SCAF8: variants seen among roughly 807,000 people sequenced by gnomAD.
SCAF8 encodes the protein SR-related CTD associated factor 8.
Under a neutral mutation model 140.5 loss-of-function variants are expected in SCAF8, and 23 were observed. The observed-to-expected ratio is 0.16, with a 90% CI of 0.12 to 0.23. The LOEUF is 0.23. Ranked by LOEUF, SCAF8 falls within the 10% of genes least tolerant of loss-of-function variation. The probability of loss-of-function intolerance (pLI) is 1.00; values close to 1 mark genes in which losing one functional copy is unlikely to be tolerated. For synonymous variants in SCAF8, 575 were observed against 528.9 expected (o/e 1.09, Z -1.20); for missense variants, 1,397 against 1,555.7 (o/e 0.90, Z 1.72).
chr6:154,794,993 A>G lies in SCAF8; in HGVS notation c.476-16A>G. The G allele has an allele frequency of 6.3e-7, 1 of 1,582,968 alleles. No homozygotes were observed. Among genetic ancestry groups the G allele is most frequent in the South Asian group, 1.2e-5 (1 of 85,322 alleles). On this transcript the variant is annotated splice_polypyrimidine_tract_variant and intron_variant, in intron 5 of 19. Transcript: ENST00000367178. The stretch of plus-strand genomic sequence containing the variant: ...CTTACATATTTATTTGGGGGGTGTG[A>G]TGTTCTTTTTAAAAGGAACTCCTGT...
At chr6:154,748,063 A>G (rs1233910033) in intron 1 of SCAF8, among the ~76,000 whole-genome samples, 2 of 152,278 alleles carry the variant, frequency 1.3e-5, no homozygotes, top group East Asian at 3.9e-4. Context: ...AAAGGGGACA[A>G]AATTTTAAAA....
intron 1 of SCAF8, among the ~76,000 whole-genome samples, chr6:154,771,700 A>G (rs1776772600): frequency 6.6e-6 from 1 of 152,204 alleles, no homozygotes; most frequent in South Asian, 2.1e-4. Flanking sequence ...ACTCATGGAC[A>G]TAAAGATGGC....
At chr6:154,790,426 T>C (rs1453618433) in intron 4 of SCAF8, among the ~76,000 whole-genome samples, 1 of 151,408 alleles carries the variant, frequency 6.6e-6, no homozygotes, top group Non-Finnish European at 1.5e-5. Flanking sequence ...GGATTTAAAG[T>C]TGAACCAGAT....
chr6:154,796,730 T>C (rs565632616), intron 6 of SCAF8, among the ~76,000 whole-genome samples: 29 of 152,156 alleles, frequency 1.9e-4, no homozygotes, highest in Non-Finnish European at 3.8e-4. Flanking sequence ...CCCAGTACTT[T>C]GGGAGGCCCA....
intron 2 of SCAF8, among the ~76,000 whole-genome samples, chr6:154,774,676 C>G (rs545576333): frequency 1.3e-5 from 2 of 152,092 alleles, no homozygotes; most frequent in East Asian, 3.9e-4. Context: ...AGTTGTGACT[C>G]ATTGTATCAG....
chr6:154,796,354 T>TCCCTCTCC (rs71652900), intron 6 of SCAF8, among the ~76,000 whole-genome samples: 2 of 105,932 alleles, frequency 1.9e-5, no homozygotes, highest in East Asian at 2.3e-4. Context: ...GCAATCCTGT[T>TCCCTCTCC]CTCTCTCTCT....
chr6:154,833,921 A>G lies in SCAF8; in HGVS notation c.*526A>G, dbSNP rs1778824711. 6.5e-6 allele frequency: 1 copy of G among 152,780 alleles called. No individual in the cohort carries two copies. The highest frequency in any genetic ancestry group is 1.5e-5 in the Non-Finnish European group (1 of 68,168). The allele number at this position is 152,780 out of a possible 1,614,324, so 9.5% of individuals were successfully genotyped here. A position where few individuals can be genotyped will look rare whatever the true frequency, so the allele number is the denominator to read the frequency against. ...TCTACACTACGGTCTCTGTTTCTCC[A>G]AAGTAAGTGTTTGTGATTTGTTCCT... On this transcript the variant is annotated 3_prime_UTR_variant, in exon 20 of 20. Coordinates refer to ENST00000367178, the MANE Select transcript of SCAF8 (RefSeq NM_014892.5).
chr6:154,788,002 C>T lies in SCAF8; in HGVS notation c.301C>T (p.Arg101Cys), dbSNP rs145917803. ...CATTAGCACTTTCCAGAATTTATATCGTTGCCCTGGGGATGACAAGGTATG... is the reference window on the plus strand; with the variant it reads ...CATTAGCACTTTCCAGAATTTATATTGTTGCCCTGGGGATGACAAGGTATG... ...NIISTFQNLY[R>C]CPGDDKSKIV... The change falls in exon 4 of 20, where the codon CGT becomes TGT. Residue 101 changes from arginine to cysteine, a missense_variant. This residue lies in a region of SCAF8 where 43 missense variants were observed against 142.1 expected (regional missense o/e 0.30). Coordinates refer to ENST00000367178, the MANE Select transcript of SCAF8 (RefSeq NM_014892.5). The T allele has an allele frequency of 7.5e-6, 12 of 1,607,404 alleles. No individual in the cohort carries two copies. Among genetic ancestry groups the T allele is most frequent in the African/African-American group, 2.7e-5 (2 of 74,124 alleles).
At chr6:154,798,216 A>T (rs554472389) in intron 6 of SCAF8, among the ~76,000 whole-genome samples, 1 of 151,624 alleles carries the variant, frequency 6.6e-6, no homozygotes, top group Non-Finnish European at 1.5e-5. Context: ...ATCATGGGAG[A>T]AGTTTAGAAA....
chr6:154,818,678 G>A, intron 14 of SCAF8, 86 bp downstream of exon 14: 1 of 564,180 alleles, frequency 1.8e-6, no homozygotes, highest in South Asian at 2.7e-5. Flanking sequence ...TCACAAGAGG[G>A]TCACAAGCTC....
At chr6:154,736,306 T>C (rs571658992) in intron 1 of SCAF8, among the ~76,000 whole-genome samples, 15 of 149,052 alleles carry the variant, frequency 1.0e-4, no homozygotes, top group Non-Finnish European at 2.2e-4. Context: ...GTTTTGCTCT[T>C]GTTGCCCAGG....
intron 1 of SCAF8, among the ~76,000 whole-genome samples, chr6:154,761,481 A>G (rs1776397890): frequency 6.6e-6 from 1 of 152,178 alleles, no homozygotes; most frequent in Admixed American, 6.5e-5. Context: ...CAATAGAGAG[A>G]GACCCCTTCT....
At position 154,808,637 on chromosome 6, in the gene SCAF8, C is replaced by CT. The variant is rs372179628; in HGVS notation, c.1114-48dup. ...AAAACAGAATTGTCAATGTATAACT[C>CT]TGTCTCAACCAGCCTTTCTGTTTGT... On this transcript the variant is annotated intron_variant, in intron 10 of 19. Coordinates refer to ENST00000367178, the MANE Select transcript of SCAF8 (RefSeq NM_014892.5). The CT allele has an allele frequency of 4.8e-4, 548 of 1,149,564 alleles. 1 individual carries two copies. In the African/African-American group the frequency reaches 0.011, roughly 22 times the overall value. The allele number at this position is 1,149,564 out of a possible 1,614,324, so 71.2% of individuals were successfully genotyped here.
intron 4 of SCAF8, among the ~76,000 whole-genome samples, chr6:154,792,348 A>G (rs756671520): frequency 1.3e-5 from 2 of 152,248 alleles, no homozygotes; most frequent in Non-Finnish European, 2.9e-5. Flanking sequence ...CCTCAAGTAG[A>G]TTGTAAAATG....
intron 6 of SCAF8, among the ~76,000 whole-genome samples, chr6:154,799,218 T>A (rs1467512903): frequency 6.6e-6 from 1 of 150,974 alleles, no homozygotes; most frequent in Non-Finnish European, 1.5e-5. Flanking sequence ...CCTCAGGCGA[T>A]CCCCCCACGT....
intron 3 of SCAF8, among the ~76,000 whole-genome samples, chr6:154,786,471 A>G (rs1194264567): frequency 6.6e-6 from 1 of 152,240 alleles, no homozygotes; most frequent in African/African-American, 2.4e-5. Flanking sequence ...CTAATCTTGT[A>G]GCTAATTTGT....
intron 5 of SCAF8, among the ~76,000 whole-genome samples, chr6:154,794,312 A>G (rs1373906952): frequency 3.3e-5 from 5 of 152,016 alleles, no homozygotes; most frequent in African/African-American, 4.8e-5. Flanking sequence ...CATGTTACTG[A>G]ATTTTTGTCT....
At chr6:154,795,950 T>C (rs1447013060) in intron 6 of SCAF8, among the ~76,000 whole-genome samples, 1 of 152,234 alleles carries the variant, frequency 6.6e-6, no homozygotes, top group Admixed American at 6.5e-5. Context: ...TATATTTGAA[T>C]AGTTTGGCTT....
At chr6:154,771,815 A>G (rs908697548) in intron 1 of SCAF8, among the ~76,000 whole-genome samples, 1 of 152,180 alleles carries the variant, frequency 6.6e-6, no homozygotes, top group African/African-American at 2.4e-5. Context: ...TTGTACCGCA[A>G]ACCTCAGCAT....
Sources: allele counts gnomAD v4.1 joint callset (sites outside exome capture counted in the v4.1 genomes callset), GRCh38; gene constraint gnomAD v4.1.1; regional missense constraint gnomAD v4.1.1; transcripts MANE v1.5; gene names NCBI Gene and HGNC (gene_info 2026-07-23, HGNC 2026-07-21).